Variants in SPATA6L observed in about 807,000 individuals in gnomAD.
The protein encoded by SPATA6L is spermatogenesis associated 6-like protein.
Under a neutral mutation model 49.2 loss-of-function variants are expected in SPATA6L, and 68 were observed. The observed-to-expected ratio is 1.38, with a 90% CI of 1.14 to 1.69. SPATA6L has a LOEUF of 1.69. Ranked by LOEUF, SPATA6L falls within the 40% of genes most tolerant of loss-of-function variation. The pLI, the probability that SPATA6L is intolerant of heterozygous loss-of-function variation, is 0.00. For missense variants in SPATA6L, 668 were observed against 464.3 expected (o/e 1.44, Z -4.03); for synonymous variants, 198 against 165.7 (o/e 1.19, Z -1.50).
At chr9:4,637,767 GCTT>G (rs1833100540) in intron 3 of SPATA6L, among the ~76,000 whole-genome samples, 1 of 152,160 alleles carries the variant, frequency 6.6e-6, no homozygotes, top group Non-Finnish European at 1.5e-5. Flanking sequence ...CCTGACAAAT[GCTT>G]CTTAAATGAA....
chr9:4,657,525 C>T (rs1838571155), intron 2 of SPATA6L, among the ~76,000 whole-genome samples: 2 of 149,540 alleles, frequency 1.3e-5, no homozygotes, highest in South Asian at 4.3e-4. Flanking sequence ...AATTTGAGCA[C>T]AGAAACTGTT....
intron 3 of SPATA6L, among the ~76,000 whole-genome samples, chr9:4,654,654 G>GA (rs1837689837): frequency 6.6e-6 from 1 of 152,202 alleles, no homozygotes; most frequent in African/African-American, 2.4e-5. Flanking sequence ...GGGGGAGCCA[G>GA]CAGGGAGATG....
intron 3 of SPATA6L, among the ~76,000 whole-genome samples, chr9:4,650,846 G>A (rs1463396375): frequency 1.7e-5 from 1 of 57,848 alleles, no homozygotes; most frequent in Non-Finnish European, 4.4e-5. Context: ...GTGTGTGTGT[G>A]TGTGTGTGTG....
At chr9:4,605,938 A>T (rs1212072737) in intron 9 of SPATA6L, among the ~76,000 whole-genome samples, 1 of 152,174 alleles carries the variant, frequency 6.6e-6, no homozygotes, top group Admixed American at 6.5e-5. Context: ...CAGTGGGCGC[A>T]GGCCAGTGTG....
At chr9:4,593,092 G>A (rs1474151748) in intron 13 of SPATA6L, among the ~76,000 whole-genome samples, 3 of 152,188 alleles carry the variant, frequency 2.0e-5, no homozygotes, top group Non-Finnish European at 4.4e-5. Context: ...GTGGCTTAGG[G>A]AGGTTAAGTA....
In SPATA6L at chr9:4,654,969, A is replaced by T. The variant is rs114997288; in HGVS notation, c.226+1072T>A. ...ACCGAGCACTTCCCTTCCCTGGTCC[A>T]TATCATTTAAAGGTACCACTCTCTT... On this transcript the variant is annotated intron_variant, in intron 3 of 11. Coordinates refer to ENST00000682582, the MANE Select transcript of SPATA6L (RefSeq NM_001353486.2). Among the ~76,000 whole-genome samples, 9 of 152,258 alleles carry T rather than the reference A, an allele frequency of 5.9e-5. 1 individual carries two copies. In the East Asian group the frequency reaches 1.4e-3, roughly 23 times the overall value.
At chr9:4,659,888 C>A (rs1052546919) in intron 2 of SPATA6L, among the ~76,000 whole-genome samples, 1 of 152,178 alleles carries the variant, frequency 6.6e-6, no homozygotes, top group African/African-American at 2.4e-5. Context: ...CATCCACAAC[C>A]ATCTGATATT....
Position 4,618,129 on chromosome 9 carries a change from T to C in SPATA6L, c.808-19A>G, listed in dbSNP as rs780219966. Reference sequence around the variant, plus strand: ...TGATAACCTGAGTGACAATATGCATTATTTAGTTGTAATTTTGCTTCTGTT... The same window carrying C: ...TGATAACCTGAGTGACAATATGCATCATTTAGTTGTAATTTTGCTTCTGTT... On this transcript the variant is annotated intron_variant, in intron 8 of 11. Coordinates refer to ENST00000682582, the MANE Select transcript of SPATA6L (RefSeq NM_001353486.2). 1.5e-5 allele frequency: 23 copies of C among 1,573,044 alleles called. No individual in the cohort carries two copies. Among genetic ancestry groups the C allele is most frequent in the Non-Finnish European group, 2.0e-5 (23 of 1,153,804 alleles).
At chr9:4,625,182 T>C in intron 6 of SPATA6L, 145 bp downstream of exon 6, 3 of 1,376,560 alleles carry the variant, frequency 2.2e-6, no homozygotes, top group Non-Finnish European at 2.9e-6. Flanking sequence ...GAAATGAACA[T>C]AATTTAATCA....
chr9:4,619,834 T>A (rs1053771714), intron 7 of SPATA6L, among the ~76,000 whole-genome samples: 1 of 152,072 alleles, frequency 6.6e-6, no homozygotes, highest in East Asian at 1.9e-4. Context: ...CAAGGATGAC[T>A]AGGAAATGAG....
intron 13 of SPATA6L, among the ~76,000 whole-genome samples, chr9:4,592,150 AC>A (rs1821943507): frequency 6.6e-6 from 1 of 152,076 alleles, no homozygotes. Context: ...CCCTGTCTCT[AC>A]TAAAAATACA....
Position 4,605,334 on chromosome 9 carries a change from A to C in SPATA6L, c.1089+13T>G, listed in dbSNP as rs1239359990. On this transcript the variant is annotated intron_variant, in intron 10 of 11. Transcript: ENST00000682582. ...TTAGTGAGCAAAGATCTAGTTTTATAAGAAAGTCTAACCTTGTTTTGGTGC... is the reference window on the plus strand; with the variant it reads ...TTAGTGAGCAAAGATCTAGTTTTATCAGAAAGTCTAACCTTGTTTTGGTGC... 2.5e-6 allele frequency: 4 copies of C among 1,603,700 alleles called. No individual in the cohort carries two copies. The highest frequency in any genetic ancestry group is 1.3e-5 in the African/African-American group (1 of 74,692).
intron 9 of SPATA6L, among the ~76,000 whole-genome samples, chr9:4,608,013 G>C (rs1165508493): frequency 6.6e-6 from 1 of 151,154 alleles, no homozygotes; most frequent in African/African-American, 2.4e-5. Context: ...GGATAAAACA[G>C]ACTTTAAACC....
chr9:4,625,818 G>C (rs954341957), intron 5 of SPATA6L: 3 of 266,546 alleles, frequency 1.1e-5, no homozygotes, highest in Non-Finnish European at 1.4e-5. Flanking sequence ...TTATAATAGG[G>C]GGAAGTTAGA....
chr9:4,639,030 C>A (rs1037524716), intron 3 of SPATA6L, among the ~76,000 whole-genome samples: 2 of 152,270 alleles, frequency 1.3e-5, no homozygotes, highest in Middle Eastern at 3.4e-3. Context: ...ATGTAAACTA[C>A]TTAACTTCAG....
chr9:4,650,874 G>A (rs537351806), intron 3 of SPATA6L, among the ~76,000 whole-genome samples: 4 of 130,934 alleles, frequency 3.1e-5, no homozygotes, highest in African/African-American at 8.4e-5. Flanking sequence ...GTGTGTGTGT[G>A]TATTTTTGAT....
intron 13 of SPATA6L, among the ~76,000 whole-genome samples, chr9:4,592,604 A>C (rs977296914): frequency 1.1e-4 from 17 of 152,354 alleles, no homozygotes; most frequent in African/African-American, 4.1e-4. Context: ...AGAGAGTGCC[A>C]GGAGTGCTAG....
downstream of SPATA6L, among the ~76,000 whole-genome samples, chr9:4,598,167 G>A (rs1228990602): frequency 6.6e-6 from 1 of 151,942 alleles, no homozygotes; most frequent in African/African-American, 2.4e-5. Flanking sequence ...TGTTTGGAGG[G>A]CCTAGGTTCC....
chr9:4,618,752 T>C (rs1039662098), intron 8 of SPATA6L, 112 bp downstream of exon 8: 3 of 991,462 alleles, frequency 3.0e-6, no homozygotes, highest in Admixed American at 2.3e-5. Flanking sequence ...ACTACAGCAA[T>C]TCCACCTAAG....
Sources: allele counts gnomAD v4.1 joint callset (sites outside exome capture counted in the v4.1 genomes callset), GRCh38; gene constraint gnomAD v4.1.1; transcripts MANE v1.5; gene names NCBI Gene and HGNC (gene_info 2026-07-23, HGNC 2026-07-21).